PDGFD: variants seen among roughly 807,000 people sequenced by gnomAD.
PDGFD encodes the protein platelet derived growth factor D.
PDGFD carries 30 observed loss-of-function variants against 44.7 expected under a neutral mutation model. The ratio of observed to expected loss-of-function variants is 0.67; its 90% confidence interval spans 0.50 to 0.91. The LOEUF is 0.91. Ranked by LOEUF, PDGFD falls within the 40% of genes least tolerant of loss-of-function variation. PDGFD has a pLI of 0.00. For missense variants in PDGFD, 445 were observed against 457.8 expected (o/e 0.97, Z 0.25); for synonymous variants, 173 against 168.4 (o/e 1.03, Z -0.21).
At chr11:104,024,165 A>AAAATAAGTTTTT (rs767499175) in intron 1 of PDGFD, among the ~76,000 whole-genome samples, 138 of 152,272 alleles carry the variant, frequency 9.1e-4, no homozygotes, top group Non-Finnish European at 1.6e-3. Context: ...TTGAGTATCG[A>AAAATAAGTTTTT]AAATAAGTTT....
At chr11:104,095,894 G>A (rs1463349495) in intron 1 of PDGFD, among the ~76,000 whole-genome samples, 1 of 152,102 alleles carries the variant, frequency 6.6e-6, no homozygotes, top group Non-Finnish European at 1.5e-5. Context: ...GATATATGAG[G>A]AGATAAAAAT....
intron 1 of PDGFD, among the ~76,000 whole-genome samples, chr11:104,150,017 G>A (rs1353900479): frequency 6.6e-6 from 1 of 152,096 alleles, no homozygotes; most frequent in Non-Finnish European, 1.5e-5. Flanking sequence ...ACTAGTAAGT[G>A]CTCTGTGAAT....
intron 3 of PDGFD, among the ~76,000 whole-genome samples, chr11:103,986,996 A>G (rs1001006712): frequency 2.6e-5 from 4 of 152,114 alleles, no homozygotes; most frequent in Non-Finnish European, 5.9e-5. Context: ...CTGACTGAGC[A>G]CAAGAGGAGA....
chr11:104,011,857 TA>T (rs926248396), intron 1 of PDGFD, among the ~76,000 whole-genome samples: 61 of 151,290 alleles, frequency 4.0e-4, no homozygotes, highest in African/African-American at 1.4e-3. Flanking sequence ...TATTCTCTGG[TA>T]AAAAAAAATA....
At chr11:103,990,278 A>G (rs185384894) in intron 3 of PDGFD, among the ~76,000 whole-genome samples, 207 of 152,274 alleles carry the variant, frequency 1.4e-3, no homozygotes, top group Non-Finnish European at 1.3e-3. Context: ...TTAGGGTCTT[A>G]GCAATTGCTC....
intron 1 of PDGFD, among the ~76,000 whole-genome samples, chr11:104,035,561 C>CTTTTTTTTT (rs3050598): frequency 3.7e-4 from 43 of 115,220 alleles, no homozygotes; most frequent in African/African-American, 5.1e-4. Flanking sequence ...ACTTCTTTTT[C>CTTTTTTTTT]TTTTTTTTTT....
intron 4 of PDGFD, among the ~76,000 whole-genome samples, chr11:103,947,026 T>C (rs1265239630): frequency 6.6e-6 from 1 of 152,244 alleles, no homozygotes; most frequent in Admixed American, 6.5e-5. Context: ...TGTATTTTAT[T>C]GCTACATAAG....
At chr11:104,148,364 C>T (rs548231667) in intron 1 of PDGFD, among the ~76,000 whole-genome samples, 1 of 152,200 alleles carries the variant, frequency 6.6e-6, no homozygotes, top group South Asian at 2.1e-4. Flanking sequence ...AATAAATGAT[C>T]TTAACATCCT....
intron 1 of PDGFD, among the ~76,000 whole-genome samples, chr11:104,149,472 T>C (rs1276311141): frequency 6.6e-6 from 1 of 152,146 alleles, no homozygotes; most frequent in Non-Finnish European, 1.5e-5. Flanking sequence ...GTTCGGTGAA[T>C]CAGTGAATGA....
intron 1 of PDGFD, among the ~76,000 whole-genome samples, chr11:104,135,734 C>G (rs1013787231): frequency 2.0e-5 from 3 of 152,074 alleles, no homozygotes; most frequent in Non-Finnish European, 4.4e-5. Context: ...GATAGAGTGC[C>G]AAAGTCAAAG....
chr11:103,929,138 A>C (rs1202075589), intron 5 of PDGFD, among the ~76,000 whole-genome samples: 5 of 152,170 alleles, frequency 3.3e-5, no homozygotes, highest in Admixed American at 6.5e-5. Context: ...TACAGATATG[A>C]CTACATTTAG....
chr11:104,037,038 G>C, intron 1 of PDGFD: 1 of 1,614,226 alleles, frequency 6.2e-7, no homozygotes, highest in East Asian at 2.2e-5. Flanking sequence ...GCGATATCGT[G>C]GTTTTACTGC....
chr11:103,995,879 A>C (rs2134363064), intron 3 of PDGFD, among the ~76,000 whole-genome samples, 186 bp downstream of exon 3: 1 of 152,312 alleles, frequency 6.6e-6, no homozygotes, highest in East Asian at 1.9e-4. Context: ...GGTTGACTTA[A>C]TAGATCCAAA....
intron 1 of PDGFD, among the ~76,000 whole-genome samples, chr11:104,112,197 T>C (rs1197203384): frequency 6.6e-6 from 1 of 151,852 alleles, no homozygotes; most frequent in Non-Finnish European, 1.5e-5. Context: ...AGGGCCTGTA[T>C]TTTTTTTACT....
In PDGFD at chr11:104,000,136, G is replaced by A. The variant is rs918159866; in HGVS notation, c.244C>T (p.Arg82Trp). 17 of 1,613,828 alleles carry A rather than the reference G, an allele frequency of 1.1e-5. No individual in the cohort carries two copies. The highest frequency in any genetic ancestry group is 4.0e-5 in the African/African-American group (3 of 74,848). The change falls in exon 2 of 7, where the codon CGG (arginine) becomes TGG (tryptophan). Residue 82 changes from arginine to tryptophan, a missense_variant. Transcript: ENST00000393158. The part of the protein sequence containing the change: ...SYPRNLLLTW[R>W]LHSQENTRIQ... ...CGTGTATTCTCCTGAGAGTGAAGCCGCCATGTCAGGAGCAGGTTCCTGGGG... is the reference window on the plus strand; with the variant it reads ...CGTGTATTCTCCTGAGAGTGAAGCCACCATGTCAGGAGCAGGTTCCTGGGG...
intron 1 of PDGFD, among the ~76,000 whole-genome samples, chr11:104,133,643 A>T (rs1861956401): frequency 6.6e-6 from 1 of 152,180 alleles, no homozygotes; most frequent in African/African-American, 2.4e-5. Context: ...TCCAATTTTT[A>T]ATTCACAGCA....
intron 3 of PDGFD, among the ~76,000 whole-genome samples, chr11:103,950,770 G>A (rs571224498): frequency 6.6e-6 from 1 of 152,164 alleles, no homozygotes; most frequent in African/African-American, 2.4e-5. Flanking sequence ...CGATGAAACA[G>A]TTTCCAAAAG....
chr11:104,006,789 C>T (rs1039856328), intron 1 of PDGFD, among the ~76,000 whole-genome samples: 3 of 152,132 alleles, frequency 2.0e-5, no homozygotes, highest in East Asian at 1.9e-4. Context: ...AGAGTATATT[C>T]CCACTCCATC....
rs138287051 is a variant in PDGFD, at chr11:104,037,193, G to A, written c.125-36938C>T. 6 of 1,613,684 alleles carry A rather than the reference G, an allele frequency of 3.7e-6. No homozygotes were observed. In the African/African-American group the frequency reaches 4.0e-5, roughly 11 times the overall value. On this transcript the variant is annotated intron_variant, in intron 1 of 6. Transcript: ENST00000393158. ...CAGCAGCGCACACCCGCTGCCCAGC[G>A]GTCACAGGGCTTGGCGTCAGGAGAG...
Sources: allele counts gnomAD v4.1 joint callset (sites outside exome capture counted in the v4.1 genomes callset), GRCh38; gene constraint gnomAD v4.1.1; transcripts MANE v1.5; gene names NCBI Gene and HGNC (gene_info 2026-07-23, HGNC 2026-07-21).